LMX1B: variants seen among roughly 807,000 people sequenced by gnomAD.
The protein encoded by LMX1B is LIM homeobox transcription factor 1-beta.
Under a neutral mutation model 51.4 loss-of-function variants are expected in LMX1B, and 12 were observed. The ratio of observed to expected loss-of-function variants is 0.23; its 90% CI spans 0.15 to 0.38. LMX1B has a LOEUF of 0.38. Among genes scored for constraint, LMX1B ranks in the 10% least tolerant of loss-of-function variants. LMX1B has a pLI of 1.00. For synonymous variants in LMX1B, 237 were observed against 235.4 expected, an observed-to-expected ratio of 1.01 and a Z score of -0.06; for missense variants, 445 against 571.1, an observed-to-expected ratio of 0.78 and a Z score of 2.25.
chr9:126,684,114 C>T (rs151319598), intron 2 of LMX1B, among the ~76,000 whole-genome samples: 1 of 152,186 alleles, frequency 6.6e-6, no homozygotes, highest in Non-Finnish European at 1.5e-5. Context: ...AGAAGGGCTG[C>T]AGTGCAAGGG....
chr9:126,665,085 T>C (rs1337439951), intron 2 of LMX1B, among the ~76,000 whole-genome samples: 7 of 152,266 alleles, frequency 4.6e-5, no homozygotes, highest in Non-Finnish European at 8.8e-5. Context: ...TTGCTTGTCT[T>C]CTTCCTGCCA....
At chr9:126,637,181 T>C (rs1835729427) in intron 2 of LMX1B, among the ~76,000 whole-genome samples, 1 of 152,202 alleles carries the variant, frequency 6.6e-6, no homozygotes, top group African/African-American at 2.4e-5. Context: ...GCGGTGGCAC[T>C]GTGCTCTGGA....
At position 126,690,942 on chromosome 9, in the gene LMX1B, G is replaced by A. The variant is rs767026168; in HGVS notation, c.433G>A (p.Val145Met). Residue 145 changes from valine (V) to methionine (M), a missense_variant, in exon 3 of 8, where the codon GTG becomes ATG. By Grantham distance (21) the Val-to-Met change is conservative. Transcript: ENST00000373474. ...VYHLGCFCCC[V>M]CERQLRKGDE... Reference sequence around the variant, plus strand: ...CCACCTGGGCTGCTTCTGCTGCTGCGTGTGTGAACGGCAGCTACGCAAGGG... The same window carrying A: ...CCACCTGGGCTGCTTCTGCTGCTGCATGTGTGAACGGCAGCTACGCAAGGG... 4.5e-5 allele frequency: 73 copies of A among 1,614,096 alleles called. No individual in the cohort carries two copies. Among genetic ancestry groups the A allele is most frequent in the Non-Finnish European group, 5.5e-5 (65 of 1,179,944 alleles).
rs1588293460 is a variant in LMX1B at position 126,671,383 on chromosome 9, G to T, written c.327-19453G>T. Among the ~76,000 whole-genome samples the T allele has an allele frequency of 6.6e-6, 1 of 152,222 alleles. No individual in the cohort carries two copies. The highest frequency in any genetic ancestry group is 2.4e-5 in the African/African-American group (1 of 41,540). ...GGCCCACAGCCCTCCCCTCCCAGCA[G>T]CTGGGCCCGGGCTCAGCTGGGGCCC... On this transcript the variant is annotated intron_variant, in intron 2 of 7. Coordinates refer to ENST00000373474, the MANE Select transcript of LMX1B (RefSeq NM_001174147.2). The surrounding 1 kb of genome is among the most constrained non-coding windows in gnomAD (Gnocchi z 4.4).
At chr9:126,653,934 T>C (rs10760447) in intron 2 of LMX1B, among the ~76,000 whole-genome samples, 60,331 of 151,886 alleles carry the variant, frequency 0.4, 12,935 homozygotes, top group African/African-American at 0.5. Context: ...ATTCACTCTA[T>C]TAATCATTTC....
In LMX1B at chr9:126,689,894, G is replaced by C. The variant is rs987163061; in HGVS notation, c.327-942G>C. Among the ~76,000 whole-genome samples the C allele has an allele frequency of 6.6e-5, 10 of 152,190 alleles. No homozygotes were observed. In the South Asian group the frequency reaches 1.9e-3, roughly 28 times the overall value. On this transcript the variant is annotated intron_variant, in intron 2 of 7. Coordinates refer to ENST00000373474, the MANE Select transcript of LMX1B (RefSeq NM_001174147.2). ...GTTAATGTTCATTCTTTTCTTGCAG[G>C]GTTGTTGCAAGGATTAAATGCGTCT...
Position 126,693,822 on chromosome 9 carries a change from G to A in LMX1B, c.886+10G>A. 1 of 1,220,478 alleles carries A rather than the reference G, an allele frequency of 8.2e-7. No individual in the cohort carries two copies. Among genetic ancestry groups the A allele is most frequent in the Non-Finnish European group, 1.2e-6 (1 of 858,480 alleles). 75.6% of individuals were successfully genotyped at this position (1,220,478 alleles called of 1,614,324 possible). On this transcript the variant is annotated intron_variant, in intron 6 of 7. Coordinates refer to ENST00000373474, the MANE Select transcript of LMX1B (RefSeq NM_001174147.2). ...CAGCGGCTGGGCCAGGGTGAGCCGGGGCCGGGGCAGGGCCTGGGCCAGGGT... is the reference window on the plus strand; with the variant it reads ...CAGCGGCTGGGCCAGGGTGAGCCGGAGCCGGGGCAGGGCCTGGGCCAGGGT...
At chr9:126,651,999 A>AT (rs1329155217) in intron 2 of LMX1B, among the ~76,000 whole-genome samples, 1 of 116,118 alleles carries the variant, frequency 8.6e-6, no homozygotes, top group Admixed American at 9.5e-5. Flanking sequence ...GTGGCCAGAG[A>AT]TGGGGGGGGG....
intron 1 of LMX1B, among the ~76,000 whole-genome samples, chr9:126,614,826 C>T (rs984600138): frequency 3.9e-5 from 6 of 152,136 alleles, no homozygotes; most frequent in African/African-American, 1.4e-4. Context: ...GGCTTAGGTT[C>T]TAGAGCTGCC....
intron 2 of LMX1B, among the ~76,000 whole-genome samples, chr9:126,687,924 C>T (rs889406492): frequency 7.2e-5 from 11 of 152,130 alleles, no homozygotes; most frequent in African/African-American, 2.7e-4. Flanking sequence ...GCTGGTATCC[C>T]CAACCCCTCC....
intron 2 of LMX1B, among the ~76,000 whole-genome samples, chr9:126,663,719 C>T (rs1158504715): frequency 1.3e-5 from 2 of 152,236 alleles, no homozygotes; most frequent in Non-Finnish European, 2.9e-5. Flanking sequence ...GCTTGTGGAT[C>T]GCTTGCCAGG....
At chr9:126,685,585 G>T (rs1836754968) in intron 2 of LMX1B, among the ~76,000 whole-genome samples, 1 of 152,146 alleles carries the variant, frequency 6.6e-6, no homozygotes, top group South Asian at 2.1e-4. Context: ...AGTGGAAGAG[G>T]TCTACTGAGA....
Position 126,693,198 on chromosome 9 carries a change from A to G in LMX1B, c.616A>G (p.Ser206Gly). 1.9e-6 allele frequency: 3 copies of G among 1,606,732 alleles called. No individual in the cohort carries two copies. The highest frequency in any genetic ancestry group is 2.5e-6 in the Non-Finnish European group (3 of 1,177,088). ...MKPAKGQGSQ[S>G]KGSGDDGKDP... is the part of the protein sequence containing the mutation. ...GCCGGCCAAGGGGCAGGGCAGTCAG[A>G]GCAAGGGCAGCGGGGATGACGGGAA... is the stretch of plus-strand genomic sequence containing the variant. The change falls in exon 4 of 8, where the codon AGC (serine) becomes GGC (glycine). Residue 206 changes from serine (S) to glycine (G), a missense_variant. Around this residue, in one of 3 missense-constraint regions of LMX1B, gnomAD observed 273 missense variants for 343.3 expected, o/e 0.80. Transcript: ENST00000373474.
chr9:126,661,455 AG>A (rs746735567), intron 2 of LMX1B, among the ~76,000 whole-genome samples: 72 of 152,266 alleles, frequency 4.7e-4, no homozygotes, highest in Non-Finnish European at 9.3e-4. Flanking sequence ...GGGCCACTGT[AG>A]GGGGCACAGA....
chr9:126,696,234 C>T (rs2030326907), intron 7 of LMX1B, 60 bp from the exon 8 acceptor site: 4 of 1,537,742 alleles, frequency 2.6e-6, no homozygotes, highest in Middle Eastern at 1.7e-4. Flanking sequence ...ACAGGGCAAA[C>T]AGGGGGCCCC....
intron 4 of LMX1B, 22 bp downstream of exon 4, chr9:126,693,345 G>C (rs771879264): frequency 2.5e-6 from 4 of 1,581,136 alleles, no homozygotes. Context: ...CCGGGGGGCG[G>C]GGCTCAGGCT....
chr9:126,689,209 C>T (rs2030021693), intron 2 of LMX1B, among the ~76,000 whole-genome samples: 1 of 152,164 alleles, frequency 6.6e-6, no homozygotes, highest in South Asian at 2.1e-4. Context: ...CTGGGGGTGC[C>T]CCCTGCTGAG....
chr9:126,614,394 A>T lies in LMX1B; in HGVS notation c.-56A>T. ...GGCCGCGGCGGCGGAGAGCGGGTGG[A>T]CGGGCCGGCGGGCGAGCAGCCCGGC... On this transcript the variant is annotated 5_prime_UTR_variant, in exon 1 of 8. Transcript: ENST00000373474. 7.7e-7 allele frequency: 1 copy of T among 1,302,476 alleles called. No homozygotes were observed. The highest frequency in any genetic ancestry group is 9.8e-7 in the Non-Finnish European group (1 of 1,020,070). 80.7% of individuals were successfully genotyped at this position (1,302,476 alleles called of 1,614,324 possible). A position where few individuals can be genotyped will look rare whatever the true frequency, so the allele number is the denominator to read the frequency against.
At chr9:126,691,415 C>T (rs1045161367) in intron 3 of LMX1B, among the ~76,000 whole-genome samples, 9 of 152,094 alleles carry the variant, frequency 5.9e-5, no homozygotes, top group African/African-American at 1.2e-4. Context: ...TTCACATACC[C>T]GGGAATTCAA....
Sources: gnomAD v4.1 joint callset for allele counts (sites outside exome capture counted in the v4.1 genomes callset) on GRCh38, gnomAD v4.1.1 for gene constraint, gnomAD v4.1.1 regional missense constraint, Gnocchi (gnomAD v3.1) non-coding constraint, MANE v1.5 for transcripts, NCBI Gene and HGNC (gene_info 2026-07-23, HGNC 2026-07-21) for gene names.